ADAMTSL1: variants seen among roughly 807,000 people sequenced by gnomAD.
ADAMTSL1 encodes ADAMTS-like protein 1.
In ADAMTSL1, 126 loss-of-function variants were observed where a neutral mutation model predicts 201.8. That is an observed-to-expected ratio of 0.62 (90% CI 0.54 to 0.72). ADAMTSL1 has a LOEUF of 0.72. Ranked by LOEUF, ADAMTSL1 falls within the 30% of genes least tolerant of loss-of-function variation. The pLI is 0.00. For missense variants in ADAMTSL1, 2,679 were observed against 2,277.8 expected (o/e 1.18, Z -3.59); for synonymous variants, 1,121 against 903.4 (o/e 1.24, Z -4.32).
intron 3 of ADAMTSL1, 44 bp downstream of exon 3, chr9:18,533,336 C>T: frequency 6.4e-7 from 1 of 1,556,046 alleles, no homozygotes; most frequent in African/African-American, 1.4e-5. Context: ...TTTTTGTTAG[C>T]ACTGAATGGT....
At chr9:18,336,104 C>T (rs530973923) in intron 2 of ADAMTSL1, among the ~76,000 whole-genome samples, 2 of 152,064 alleles carry the variant, frequency 1.3e-5, no homozygotes, top group South Asian at 2.1e-4. Context: ...TTTACATAAG[C>T]CTTATCCCAA....
chr9:18,660,244 T>G (rs1828992852), intron 8 of ADAMTSL1, among the ~76,000 whole-genome samples: 1 of 152,220 alleles, frequency 6.6e-6, no homozygotes, highest in Non-Finnish European at 1.5e-5. Flanking sequence ...GTCCTTCCAC[T>G]TTATTTTGAA....
intron 4 of ADAMTSL1, among the ~76,000 whole-genome samples, chr9:18,592,621 A>T (rs1230267090): frequency 6.6e-6 from 1 of 152,118 alleles, no homozygotes; most frequent in Non-Finnish European, 1.5e-5. Flanking sequence ...TTTCGTTACT[A>T]TATCTCTGTA....
intron 1 of ADAMTSL1, among the ~76,000 whole-genome samples, chr9:18,148,163 G>C (rs1403448276): frequency 6.6e-6 from 1 of 151,950 alleles, no homozygotes; most frequent in Non-Finnish European, 1.5e-5. Flanking sequence ...CAAACTTTTA[G>C]ATTTTAAAAA....
chr9:18,787,588 A>G (rs1444663688), intron 19 of ADAMTSL1, among the ~76,000 whole-genome samples: 1 of 152,206 alleles, frequency 6.6e-6, no homozygotes, highest in Non-Finnish European at 1.5e-5. Context: ...TTTCCATGTT[A>G]TATGCCAGAA....
intron 2 of ADAMTSL1, among the ~76,000 whole-genome samples, chr9:18,257,722 T>C (rs1294479329): frequency 6.6e-6 from 1 of 152,212 alleles, no homozygotes; most frequent in Non-Finnish European, 1.5e-5. Flanking sequence ...CCCATGTTTA[T>C]AGTGCATTAT....
intron 9 of ADAMTSL1, among the ~76,000 whole-genome samples, chr9:18,673,351 A>G (rs192366246): frequency 5.3e-4 from 80 of 152,358 alleles, no homozygotes; most frequent in Admixed American, 8.5e-4. Flanking sequence ...AGCTGAGCCT[A>G]TGTACACGAA....
rs1564146020 is a variant in ADAMTSL1, at chr9:18,681,714, G to GGGGGGGGA, written c.1342-98_1342-97insGGGGGGGA. 4.5e-6 allele frequency: 4 copies of GGGGGGGGA among 884,492 alleles called. No individual in the cohort carries two copies. The African/African-American group carries it at 1.3e-4, about 29-fold the overall frequency. 54.8% of individuals were successfully genotyped at this position (884,492 alleles called of 1,614,324 possible). Reference sequence around the variant, plus strand: ...TCCTCGTGTGGGGGGGGGGGGCGGGGAAAAAGAAAACTTAGATTAAAAGTT... The same window carrying GGGGGGGGA: ...TCCTCGTGTGGGGGGGGGGGGCGGGGGGGGGGGAAAAAAGAAAACTTAGATTAAAAGTT... On this transcript the variant is annotated intron_variant, in intron 11 of 28. Transcript: ENST00000380548.
intron 23 of ADAMTSL1, among the ~76,000 whole-genome samples, chr9:18,884,267 G>GTTGT (rs1289978676): frequency 6.6e-6 from 1 of 152,036 alleles, no homozygotes; most frequent in African/African-American, 2.4e-5. Context: ...CCTGAACCGG[G>GTTGT]TTGTTTGTTA....
At chr9:18,091,831 A>G (rs776563352) in intron 1 of ADAMTSL1, among the ~76,000 whole-genome samples, 2 of 152,088 alleles carry the variant, frequency 1.3e-5, no homozygotes, top group Non-Finnish European at 2.9e-5. Context: ...TAAAATGATG[A>G]ATAAGAAAAC....
chr9:18,777,643 G>A lies in ADAMTSL1; in HGVS notation c.3414G>A (p.Val1138=). Residue 1138 remains valine, a synonymous_variant, in exon 19 of 29, where the codon GTG becomes GTA. Transcript: ENST00000380548. ...SPVTLSPHKH[V]SGFSSSLRTS... ...TGACTCTCTCGCCTCATAAACACGT[G>A]TCTGGCTTCAGCAGCTCCCTGCGGA... 1.2e-6 allele frequency: 2 copies of A among 1,613,724 alleles called. No homozygotes were observed. Among genetic ancestry groups the A allele is most frequent in the South Asian group, 2.2e-5 (2 of 91,060 alleles).
At chr9:18,433,517 G>A (rs1314382930) in intron 2 of ADAMTSL1, among the ~76,000 whole-genome samples, 1 of 152,040 alleles carries the variant, frequency 6.6e-6, no homozygotes, top group Admixed American at 6.5e-5. Flanking sequence ...GCTGAAATTG[G>A]GGAAGCCAAA....
intron 2 of ADAMTSL1, among the ~76,000 whole-genome samples, chr9:18,363,838 A>G (rs548226940): frequency 6.6e-6 from 1 of 152,196 alleles, no homozygotes; most frequent in East Asian, 1.9e-4. Flanking sequence ...GAAGAGGTGA[A>G]GAATGAAACA....
chr9:18,740,398 G>C (rs2133543779), intron 15 of ADAMTSL1, among the ~76,000 whole-genome samples: 1 of 143,680 alleles, frequency 7.0e-6, no homozygotes, highest in South Asian at 2.4e-4. Context: ...GGAGAGAAGA[G>C]AGGAGCAAGA....
chr9:18,294,481 G>C (rs16936550), intron 2 of ADAMTSL1, among the ~76,000 whole-genome samples: 10,072 of 152,194 alleles, frequency 0.066, 1,118 homozygotes, highest in African/African-American at 0.23. Flanking sequence ...TGTTTTCCTG[G>C]GGCTGAGTAC....
chr9:18,508,231 T>C (rs4961656), intron 2 of ADAMTSL1, among the ~76,000 whole-genome samples: 1 of 151,984 alleles, frequency 6.6e-6, no homozygotes, highest in Non-Finnish European at 1.5e-5. Flanking sequence ...CTGGGATTAT[T>C]ATGTTTGGAA....
At chr9:18,311,014 C>G (rs1413944328) in intron 2 of ADAMTSL1, among the ~76,000 whole-genome samples, 1 of 149,492 alleles carries the variant, frequency 6.7e-6, no homozygotes, top group Non-Finnish European at 1.5e-5. Flanking sequence ...CCATGGAATA[C>G]TATGCAGCCA....
At chr9:18,482,374 G>A (rs770023581) in intron 1 of ADAMTSL1, among the ~76,000 whole-genome samples, 3 of 152,092 alleles carry the variant, frequency 2.0e-5, no homozygotes, top group Admixed American at 1.3e-4. Flanking sequence ...TAATTTTCAC[G>A]GAGTTTCCAT....
chr9:18,422,122 T>C (rs1563949992), intron 2 of ADAMTSL1, among the ~76,000 whole-genome samples: 1 of 152,110 alleles, frequency 6.6e-6, no homozygotes, highest in Non-Finnish European at 1.5e-5. Flanking sequence ...TCCTATAAAA[T>C]CTCCCTGGTG....
Sources: allele counts gnomAD v4.1 joint callset (sites outside exome capture counted in the v4.1 genomes callset), GRCh38; gene constraint gnomAD v4.1.1; transcripts MANE v1.5; gene names NCBI Gene and HGNC (gene_info 2026-07-23, HGNC 2026-07-21).